The following PLA2G4A variants were observed in gnomAD, a reference collection of about 807,000 sequenced individuals.
The protein encoded by PLA2G4A is phospholipase A2 group IVA.
PLA2G4A carries 40 observed loss-of-function variants against 81.9 expected under a neutral mutation model. The observed-to-expected ratio is 0.49, with a 90% CI of 0.38 to 0.64. The LOEUF is 0.64. Ranked by LOEUF, PLA2G4A falls within the 30% of genes least tolerant of loss-of-function variation. The pLI, the probability that PLA2G4A is intolerant of heterozygous loss-of-function variation, is 0.00. For missense variants in PLA2G4A, 715 were observed against 905.1 expected (o/e 0.79, Z 2.69); for synonymous variants, 302 against 296.9 (o/e 1.02, Z -0.18).
Position 186,906,928 on chromosome 1 carries a change from C to T in PLA2G4A, c.379-37C>T, listed in dbSNP as rs1453535017. On this transcript the variant is annotated intron_variant, in intron 5 of 17. Transcript: ENST00000367466. ...TTTCCATGATATAAACACATATCTA[C>T]TTTATGACCTAATCTGATTAACATG... 11 of 1,133,874 alleles carry T rather than the reference C, an allele frequency of 9.7e-6. 1 individual carries two copies. Among genetic ancestry groups the T allele is most frequent in the South Asian group, 6.3e-5 (5 of 79,770 alleles). The allele number at this position is 1,133,874 out of a possible 1,614,324, so 70.2% of individuals were successfully genotyped here. A position where few individuals can be genotyped will look rare whatever the true frequency, so the allele number is the denominator to read the frequency against.
At chr1:186,842,171 T>C (rs1358136677) in intron 1 of PLA2G4A, among the ~76,000 whole-genome samples, 2 of 151,576 alleles carry the variant, frequency 1.3e-5, no homozygotes, top group Non-Finnish European at 2.9e-5. Flanking sequence ...GCCTCCTGAA[T>C]AGCTGAGGTT....
In PLA2G4A at chr1:186,937,709, C is replaced by G. The variant is rs1367330266; in HGVS notation, c.696-1299C>G. On this transcript the variant is annotated intron_variant, in intron 8 of 17. Coordinates refer to ENST00000367466, the MANE Select transcript of PLA2G4A (RefSeq NM_024420.3). The stretch of plus-strand genomic sequence containing the variant: ...ATAGGAATAGTTTGGTCTCTAACAA[C>G]TGAAGTCTTGTATAATAGACTAAAA... Among the ~76,000 whole-genome samples, 4 of 141,180 alleles carry G rather than the reference C, an allele frequency of 2.8e-5. No homozygotes were observed. In the East Asian group the frequency reaches 8.5e-4, roughly 30 times the overall value. The allele number at this position is 141,180 out of a possible 152,430, so 92.6% of individuals were successfully genotyped here. A position where few individuals can be genotyped will look rare whatever the true frequency, so the allele number is the denominator to read the frequency against.
At chr1:186,862,402 G>A (rs12720504) in intron 2 of PLA2G4A, among the ~76,000 whole-genome samples, 4 of 151,814 alleles carry the variant, frequency 2.6e-5, no homozygotes, top group African/African-American at 7.3e-5. Flanking sequence ...TTTTAATAGC[G>A]ATGGTCACCA....
chr1:186,988,625 C>A lies in PLA2G4A; in HGVS notation c.*117C>A. ...ACTGATCATGAGAGACTGGCTGATA[C>A]TCAAAGTTGCAGTTACTTAGCTGCA... On this transcript the variant is annotated 3_prime_UTR_variant, in exon 18 of 18. Transcript: ENST00000367466. 1.1e-6 allele frequency: 1 copy of A among 893,608 alleles called. No individual in the cohort carries two copies. Among genetic ancestry groups the A allele is most frequent in the Non-Finnish European group, 1.8e-6 (1 of 541,152 alleles). The allele number at this position is 893,608 out of a possible 1,614,324, so 55.4% of individuals were successfully genotyped here. A position where few individuals can be genotyped will look rare whatever the true frequency, so the allele number is the denominator to read the frequency against.
chr1:186,909,365 A>T (rs1654858386), intron 6 of PLA2G4A, among the ~76,000 whole-genome samples: 1 of 30,786 alleles, frequency 3.2e-5, no homozygotes. Context: ...GATTAGACTT[A>T]AAAGTGTTCA....
chr1:186,890,016 G>A (rs544270963), intron 3 of PLA2G4A, among the ~76,000 whole-genome samples: 2 of 152,262 alleles, frequency 1.3e-5, no homozygotes, highest in Admixed American at 6.5e-5. Flanking sequence ...CTCAGTTCCT[G>A]TTACTTTAAC....
At chr1:186,925,334 C>T (rs1316501443) in intron 7 of PLA2G4A, among the ~76,000 whole-genome samples, 1 of 152,190 alleles carries the variant, frequency 6.6e-6, no homozygotes, top group African/African-American at 2.4e-5. Flanking sequence ...CCTCTTCCCA[C>T]TTTCTTTTTA....
At chr1:186,944,338 C>T (rs1168220183) in intron 10 of PLA2G4A, among the ~76,000 whole-genome samples, 2 of 152,112 alleles carry the variant, frequency 1.3e-5, no homozygotes, top group East Asian at 1.9e-4. Flanking sequence ...CTCATTTTAG[C>T]TTTTGAGAAT....
chr1:186,896,175 G>C (rs1387164955), intron 5 of PLA2G4A, among the ~76,000 whole-genome samples: 1 of 151,996 alleles, frequency 6.6e-6, no homozygotes, highest in African/African-American at 2.4e-5. Flanking sequence ...TAAATATATC[G>C]ATACTATACA....
intron 2 of PLA2G4A, among the ~76,000 whole-genome samples, chr1:186,857,152 TA>T (rs1652599047): frequency 2.3e-5 from 1 of 42,652 alleles, no homozygotes; most frequent in African/African-American, 1.7e-4. Flanking sequence ...ATTATATAAT[TA>T]CATAATATAA....
At chr1:186,983,295 C>T (rs549389873) in intron 17 of PLA2G4A, among the ~76,000 whole-genome samples, 4 of 152,058 alleles carry the variant, frequency 2.6e-5, no homozygotes, top group African/African-American at 4.8e-5. Flanking sequence ...TCTTTGTAAA[C>T]GGTGGATGGA....
intron 7 of PLA2G4A, among the ~76,000 whole-genome samples, chr1:186,928,088 ATC>A (rs958091669): frequency 2.0e-5 from 3 of 152,052 alleles, no homozygotes; most frequent in African/African-American, 7.2e-5. Context: ...AATTTTTCTT[ATC>A]TGAGGAAGTG....
At chr1:186,831,452 A>G (rs980427521) in intron 1 of PLA2G4A, among the ~76,000 whole-genome samples, 4 of 152,182 alleles carry the variant, frequency 2.6e-5, no homozygotes, top group Non-Finnish European at 5.9e-5. Context: ...GTACAATATT[A>G]CGCTTGACAT....
Position 186,946,923 on chromosome 1 carries a change from G to T in PLA2G4A, c.1226G>T (p.Gly409Val). 6.2e-7 allele frequency: 1 copy of T among 1,611,586 alleles called. No individual in the cohort carries two copies. The change falls in exon 12 of 18, where the codon GGT becomes GTT. Residue 409 changes from glycine to valine, a missense_variant. Transcript: ENST00000367466. ...TTCAACAGAGTTTTGGGCGTTTCTG[G>T]TTCACAAAGCAGAGGCTCCACAATG... ...ILFNRVLGVS[G>V]SQSRGSTMEE...
chr1:186,959,380 C>T (rs1298779376), intron 14 of PLA2G4A, among the ~76,000 whole-genome samples: 1 of 151,820 alleles, frequency 6.6e-6, no homozygotes, highest in Non-Finnish European at 1.5e-5. Flanking sequence ...TTATATAAAC[C>T]AATTTTTTTG....
chr1:186,887,054 G>T (rs965375667), intron 3 of PLA2G4A, among the ~76,000 whole-genome samples: 1 of 152,122 alleles, frequency 6.6e-6, no homozygotes, highest in African/African-American at 2.4e-5. Flanking sequence ...AGATGAATCC[G>T]TGAAGGTCAT....
chr1:186,906,484 T>C (rs1261390453), intron 5 of PLA2G4A, among the ~76,000 whole-genome samples: 1 of 152,154 alleles, frequency 6.6e-6, no homozygotes, highest in East Asian at 1.9e-4. Flanking sequence ...TGAATGGGTG[T>C]TGTATTTTCA....
chr1:186,982,520 C>A (rs1657754288), intron 17 of PLA2G4A, among the ~76,000 whole-genome samples: 1 of 152,170 alleles, frequency 6.6e-6, no homozygotes, highest in Admixed American at 6.5e-5. Flanking sequence ...ACCCAAAGAC[C>A]TTTGCAAATG....
intron 3 of PLA2G4A, among the ~76,000 whole-genome samples, chr1:186,887,514 A>G (rs1016240113): frequency 1.3e-5 from 2 of 151,962 alleles, no homozygotes; most frequent in Non-Finnish European, 1.5e-5. Flanking sequence ...TGTATTCCAC[A>G]CCCCCGACAT....
Sources: gnomAD v4.1 joint callset for allele counts (sites outside exome capture counted in the v4.1 genomes callset) on GRCh38, gnomAD v4.1.1 for gene constraint, MANE v1.5 for transcripts, NCBI Gene and HGNC (gene_info 2026-07-23, HGNC 2026-07-21) for gene names.